Variants in GLIS1 observed in about 807,000 individuals in gnomAD.
The protein encoded by GLIS1 is GLIS family zinc finger 1.
Under a neutral mutation model 63.8 loss-of-function variants are expected in GLIS1, and 24 were observed. The observed-to-expected ratio is 0.38, with a 90% CI of 0.27 to 0.53. GLIS1 has a LOEUF of 0.53. GLIS1 is among the 20% of genes least tolerant of loss of function. GLIS1 has a pLI of 0.85. For missense variants in GLIS1, 1,036 were observed against 1,074.1 expected, an observed-to-expected ratio of 0.96 and a Z score of 0.50; for synonymous variants, 450 against 482.5, an observed-to-expected ratio of 0.93 and a Z score of 0.88.
intron 2 of GLIS1, among the ~76,000 whole-genome samples, chr1:53,707,299 C>T (rs765888119): frequency 2.0e-5 from 3 of 152,166 alleles, no homozygotes; most frequent in Non-Finnish European, 4.4e-5. Flanking sequence ...GTCTGATCCT[C>T]GTCTAATAGG....
intron 4 of GLIS1, among the ~76,000 whole-genome samples, chr1:53,575,206 A>G (rs985666777): frequency 6.6e-6 from 1 of 152,080 alleles, no homozygotes; most frequent in African/African-American, 2.4e-5. Flanking sequence ...CCGGCTGCCT[A>G]TGGGCGCTGG....
At chr1:53,591,875 C>T (rs1338277150) in intron 4 of GLIS1, among the ~76,000 whole-genome samples, 2 of 152,246 alleles carry the variant, frequency 1.3e-5, no homozygotes, top group South Asian at 4.1e-4. Flanking sequence ...CTTGGTTTTA[C>T]AGGACTTGTA....
chr1:53,600,522 T>C (rs1645305670), intron 2 of GLIS1, among the ~76,000 whole-genome samples: 1 of 152,118 alleles, frequency 6.6e-6, no homozygotes, highest in Non-Finnish European at 1.5e-5. Context: ...GTTAAATGAC[T>C]GTTACATGAA....
At chr1:53,671,024 T>C (rs1171371190) in intron 2 of GLIS1, among the ~76,000 whole-genome samples, 1 of 152,196 alleles carries the variant, frequency 6.6e-6, no homozygotes, top group Non-Finnish European at 1.5e-5. Flanking sequence ...AAGTAGAGTA[T>C]GAAAGTATCA....
At chr1:53,724,296 T>C (rs1386333495) in intron 2 of GLIS1, among the ~76,000 whole-genome samples, 5 of 152,214 alleles carry the variant, frequency 3.3e-5, no homozygotes, top group African/African-American at 1.2e-4. Context: ...TTTAGACTAA[T>C]GCTGTCCAAC....
At chr1:53,710,751 C>T (rs529813778) in intron 2 of GLIS1, among the ~76,000 whole-genome samples, 4 of 152,192 alleles carry the variant, frequency 2.6e-5, no homozygotes, top group African/African-American at 4.8e-5. Context: ...GGGCCTGTCA[C>T]GCTCGTGCAA....
Position 53,734,753 on chromosome 1 carries a change from C to G in GLIS1, c.259+3053G>C, listed in dbSNP as rs1024427103. Among the ~76,000 whole-genome samples the G allele has an allele frequency of 3.3e-5, 5 of 152,370 alleles. No homozygotes were observed. In the South Asian group the frequency reaches 1.0e-3, roughly 32 times the overall value. On this transcript the variant is annotated intron_variant, in intron 2 of 10. Transcript: ENST00000628545. ...ACCGTGCACAGAGAACAAGCGTCAT[C>G]AGGCCATCACCACAAAGCTGTCCGC...
intron 2 of GLIS1, among the ~76,000 whole-genome samples, chr1:53,628,816 G>A (rs1367476000): frequency 1.3e-5 from 2 of 152,134 alleles, no homozygotes; most frequent in African/African-American, 2.4e-5. Flanking sequence ...ATAGGGACGG[G>A]AAACAGCACC....
rs772241689 is a variant in GLIS1, at chr1:53,514,882, C to T, written c.1727-101G>A. The stretch of plus-strand genomic sequence containing the variant: ...GTGCCTGATGATGGAGAAATAAAGA[C>T]AAGAGGGAAAATGAACAACGTTGTA... On this transcript the variant is annotated intron_variant, in intron 7 of 10. Transcript: ENST00000628545. The T allele has an allele frequency of 6.5e-5, 88 of 1,362,920 alleles. No homozygotes were observed. In the South Asian group the frequency reaches 1.3e-3, roughly 20 times the overall value. 84.4% of individuals were successfully genotyped at this position (1,362,920 alleles called of 1,614,324 possible).
rs1004612182 is a variant in GLIS1, at chr1:53,526,707, C to T, written c.1483-1820G>A. ...TTGGGGATGCTGATACAAATCCACTCGCTTTCGTCTAAAAGCAAACAAGCT... is the reference window on the plus strand; with the variant it reads ...TTGGGGATGCTGATACAAATCCACTTGCTTTCGTCTAAAAGCAAACAAGCT... On this transcript the variant is annotated intron_variant, in intron 5 of 10. Transcript: ENST00000628545. This position sits in a 1 kb window ranked among gnomAD's most constrained non-coding sequence, Gnocchi z 4.4. 7.2e-5 allele frequency among the ~76,000 whole-genome samples: 11 copies of T among 152,390 alleles called. No individual in the cohort carries two copies. In the East Asian group the frequency reaches 1.9e-3, roughly 27 times the overall value.
chr1:53,685,301 C>T (rs550462158), intron 2 of GLIS1, among the ~76,000 whole-genome samples: 57 of 152,320 alleles, frequency 3.7e-4, no homozygotes, highest in Admixed American at 7.2e-4. Context: ...CTTTGGAGCC[C>T]GCGGACATAC....
chr1:53,681,555 CCAA>C (rs1304976200), intron 2 of GLIS1, among the ~76,000 whole-genome samples: 1 of 152,196 alleles, frequency 6.6e-6, no homozygotes, highest in African/African-American at 2.4e-5. Flanking sequence ...TCACAGGCAG[CCAA>C]GAAAGAGAGC....
In GLIS1 at chr1:53,735,863, G is replaced by A. The variant is rs188509448; in HGVS notation, c.259+1943C>T. On this transcript the variant is annotated intron_variant, in intron 2 of 10. Coordinates refer to ENST00000628545, the MANE Select transcript of GLIS1 (RefSeq NM_001367484.1). ...AGCTGGGTTTGTCTCGGGCCACTTGGTGACTGCACTGTGAGGAAAAGCTTG... is the reference window on the plus strand; with the variant it reads ...AGCTGGGTTTGTCTCGGGCCACTTGATGACTGCACTGTGAGGAAAAGCTTG... 1.1e-3 allele frequency among the ~76,000 whole-genome samples: 161 copies of A among 152,250 alleles called. 1 individual carries two copies. Among genetic ancestry groups the A allele is most frequent in the African/African-American group, 3.7e-3 (154 of 41,522 alleles).
At chr1:53,719,357 C>A (rs1646730557) in intron 2 of GLIS1, among the ~76,000 whole-genome samples, 1 of 152,208 alleles carries the variant, frequency 6.6e-6, no homozygotes, top group African/African-American at 2.4e-5. Context: ...GCCCACCTGG[C>A]ATGGGGGGCA....
chr1:53,650,564 T>C (rs981187009), intron 2 of GLIS1, among the ~76,000 whole-genome samples: 30 of 126,886 alleles, frequency 2.4e-4, no homozygotes, highest in African/African-American at 9.4e-4. Context: ...CACTCCAACC[T>C]GGGCAACAGA....
rs139176523 is a variant in GLIS1, at chr1:53,526,208, C to T, written c.1483-1321G>A. Among the ~76,000 whole-genome samples, 85 of 152,262 alleles carry T rather than the reference C, an allele frequency of 5.6e-4. No homozygotes were observed. The highest frequency in any genetic ancestry group is 1.1e-3 in the Non-Finnish European group (72 of 68,004). On this transcript the variant is annotated intron_variant, in intron 5 of 10. Transcript: ENST00000628545. The surrounding 1 kb of genome is among the most constrained non-coding windows in gnomAD (Gnocchi z 4.4). The stretch of plus-strand genomic sequence containing the variant: ...TGCCATGTCCTGCCAGACACACCCA[C>T]GTGGAACTGCCCCCAGGACCTCAAG...
chr1:53,729,671 C>T (rs934607007), intron 2 of GLIS1, among the ~76,000 whole-genome samples: 15 of 152,200 alleles, frequency 9.9e-5, no homozygotes, highest in Non-Finnish European at 2.1e-4. Context: ...GCACACTACT[C>T]ATCCCTCCCA....
At chr1:53,650,451 G>A (rs1038894225) in intron 2 of GLIS1, among the ~76,000 whole-genome samples, 2 of 152,102 alleles carry the variant, frequency 1.3e-5, no homozygotes, top group African/African-American at 4.8e-5. Flanking sequence ...TTAGACAGGC[G>A]TGGTGGCACA....
chr1:53,715,305 A>G (rs1223005121), intron 2 of GLIS1, among the ~76,000 whole-genome samples: 1 of 152,198 alleles, frequency 6.6e-6, no homozygotes, highest in Non-Finnish European at 1.5e-5. Flanking sequence ...AAAAGTCCAG[A>G]GTCCACCATG....
Sources: allele counts gnomAD v4.1 joint callset (sites outside exome capture counted in the v4.1 genomes callset), GRCh38; gene constraint gnomAD v4.1.1; non-coding constraint Gnocchi (gnomAD v3.1); transcripts MANE v1.5; gene names NCBI Gene and HGNC (gene_info 2026-07-23, HGNC 2026-07-21).